Variants in HS6ST3 observed in about 807,000 individuals in gnomAD.
The protein encoded by HS6ST3 is heparan-sulfate 6-O-sulfotransferase 3.
HS6ST3 carries 12 observed loss-of-function variants against 36.7 expected under a neutral mutation model. The ratio of observed to expected loss-of-function variants is 0.33; its 90% confidence interval spans 0.21 to 0.53. The LOEUF (loss-of-function observed/expected upper bound fraction) is 0.53, where lower values mean the gene tolerates loss of function less well. Among genes scored for constraint, HS6ST3 ranks in the 20% least tolerant of loss-of-function variants. HS6ST3 has a pLI of 0.95. For synonymous variants in HS6ST3, 240 were observed against 257.5 expected, an observed-to-expected ratio of 0.93 and a Z score of 0.65; for missense variants, 584 against 640.9, an observed-to-expected ratio of 0.91 and a Z score of 0.96.
At chr13:96,137,144 G>T (rs1028681465) in intron 1 of HS6ST3, among the ~76,000 whole-genome samples, 5 of 150,280 alleles carry the variant, frequency 3.3e-5, no homozygotes, top group African/African-American at 7.4e-5. Context: ...CCTTTTAATT[G>T]ATTTCTTCCT....
At chr13:96,763,650 G>A (rs1877023584) in intron 1 of HS6ST3, among the ~76,000 whole-genome samples, 1 of 152,060 alleles carries the variant, frequency 6.6e-6, no homozygotes, top group South Asian at 2.1e-4. Flanking sequence ...ACTATTAGGA[G>A]CTCAATGGCT....
intron 1 of HS6ST3, among the ~76,000 whole-genome samples, chr13:96,674,569 C>A (rs190424914): frequency 6.6e-6 from 1 of 152,036 alleles, no homozygotes; most frequent in Non-Finnish European, 1.5e-5. Context: ...CTTCATGAGC[C>A]GACTCTCACA....
At position 96,658,268 on chromosome 13, in the gene HS6ST3, C is replaced by CTTTTTTTTTTTT. The variant is rs71213623; in HGVS notation, c.708-174203_708-174192dup. On this transcript the variant is annotated intron_variant, in intron 1 of 1. Coordinates refer to ENST00000376705, the MANE Select transcript of HS6ST3 (RefSeq NM_153456.4). Reference sequence around the variant, plus strand: ...TTCTTCTTCTTCTTCTCTTCTTCTTCTTTTTTTTTTTTTTTTTTTTTTTTT... The same window carrying CTTTTTTTTTTTT: ...TTCTTCTTCTTCTTCTCTTCTTCTTCTTTTTTTTTTTTTTTTTTTTTTTTTTTTTTTTTTTTT... Among the ~76,000 whole-genome samples the CTTTTTTTTTTTT allele has an allele frequency of 1.3e-3, 99 of 76,152 alleles. 12 individuals are homozygous for CTTTTTTTTTTTT. The highest frequency in any genetic ancestry group is 5.7e-3 in the East Asian group (11 of 1,944). 50.0% of individuals were successfully genotyped at this position (76,152 alleles called of 152,430 possible). A position where few individuals can be genotyped will look rare whatever the true frequency, so the allele number is the denominator to read the frequency against.
intron 1 of HS6ST3, among the ~76,000 whole-genome samples, chr13:96,306,708 C>G (rs1360566249): frequency 6.6e-6 from 1 of 152,052 alleles, no homozygotes; most frequent in Non-Finnish European, 1.5e-5. Flanking sequence ...GGCCTGTGTT[C>G]TTGCTTCTGT....
intron 1 of HS6ST3, among the ~76,000 whole-genome samples, chr13:96,690,953 C>A (rs1463339968): frequency 6.6e-6 from 1 of 152,112 alleles, no homozygotes; most frequent in Non-Finnish European, 1.5e-5. Context: ...AAGTGTCTAG[C>A]ACAGTCCTTG....
intron 1 of HS6ST3, among the ~76,000 whole-genome samples, chr13:96,816,719 T>C (rs951507676): frequency 6.6e-6 from 1 of 152,160 alleles, no homozygotes; most frequent in African/African-American, 2.4e-5. Context: ...TCAACTTTCC[T>C]TGGGATGATT....
At chr13:96,456,152 G>T (rs1340026330) in intron 1 of HS6ST3, among the ~76,000 whole-genome samples, 1 of 152,156 alleles carries the variant, frequency 6.6e-6, no homozygotes, top group African/African-American at 2.4e-5. Flanking sequence ...TTTTATTTAG[G>T]TGTAGTAGAA....
rs199618938 is a variant in HS6ST3, at chr13:96,091,004, C to G, written c.142C>G (p.Pro48Ala). 1,179 of 1,297,736 alleles carry G rather than the reference C, an allele frequency of 9.1e-4. 2 individuals are homozygous for G. The highest frequency in any genetic ancestry group is 8.6e-4 in the Non-Finnish European group (875 of 1,018,158). The allele number at this position is 1,297,736 out of a possible 1,614,324, so 80.4% of individuals were successfully genotyped here. The stretch of plus-strand genomic sequence containing the variant: ...GCAGCCCCGCGCGGGGGAGGCCGGC[C>G]CGCCCGCCGTCCCGGGTCCCGCCCG... ...GEQPRAGEAG[P>A]PAVPGPARRA... is the part of the protein sequence containing the mutation. Residue 48 changes from proline to alanine, a missense_variant, in exon 1 of 2, where the codon CCG (proline) becomes GCG (alanine). Transcript: ENST00000376705.
intron 1 of HS6ST3, among the ~76,000 whole-genome samples, chr13:96,136,762 GA>G (rs2054004669): frequency 6.8e-6 from 1 of 147,044 alleles, no homozygotes; most frequent in Non-Finnish European, 1.5e-5. Context: ...ATATACAAAT[GA>G]TTTGATTAGC....
intron 1 of HS6ST3, among the ~76,000 whole-genome samples, chr13:96,629,543 T>C (rs1039882432): frequency 2.0e-5 from 3 of 152,204 alleles, no homozygotes; most frequent in Non-Finnish European, 4.4e-5. Context: ...ATGCATGCGT[T>C]CTCTCAATGC....
intron 1 of HS6ST3, among the ~76,000 whole-genome samples, chr13:96,358,174 A>G (rs559515087): frequency 6.6e-6 from 1 of 152,310 alleles, no homozygotes; most frequent in African/African-American, 2.4e-5. Context: ...ACTAATACAT[A>G]TAGAAGACAA....
At chr13:96,664,770 T>C (rs2056657907) in intron 1 of HS6ST3, among the ~76,000 whole-genome samples, 1 of 152,228 alleles carries the variant, frequency 6.6e-6, no homozygotes, top group Admixed American at 6.5e-5. Flanking sequence ...CATGGCCTGA[T>C]CAAGTTCTCT....
At chr13:96,400,631 G>T (rs866402212) in intron 1 of HS6ST3, among the ~76,000 whole-genome samples, 6 of 152,072 alleles carry the variant, frequency 3.9e-5, no homozygotes, top group South Asian at 2.1e-4. Context: ...ATATTGATGG[G>T]AAGATGAAGC....
At chr13:96,304,358 C>A (rs567965669) in intron 1 of HS6ST3, among the ~76,000 whole-genome samples, 1 of 152,176 alleles carries the variant, frequency 6.6e-6, no homozygotes, top group East Asian at 1.9e-4. Context: ...CTTCTCAATT[C>A]TTTAATTAGA....
At position 96,761,401 on chromosome 13, in the gene HS6ST3, C is replaced by T. The variant is rs1466609515; in HGVS notation, c.708-71089C>T. ...CTTTCGGTGAGACAGTTCTTATCTTCGTTGTTGGGTTACGTATCTCCTACC... is the reference window on the plus strand; with the variant it reads ...CTTTCGGTGAGACAGTTCTTATCTTTGTTGTTGGGTTACGTATCTCCTACC... On this transcript the variant is annotated intron_variant, in intron 1 of 1. Transcript: ENST00000376705. Among the ~76,000 whole-genome samples the T allele has an allele frequency of 3.3e-5, 5 of 151,918 alleles. No homozygotes were observed. In the South Asian group the frequency reaches 1.0e-3, roughly 32 times the overall value.
chr13:96,206,095 G>A (rs1051338468), intron 1 of HS6ST3, among the ~76,000 whole-genome samples: 12 of 152,290 alleles, frequency 7.9e-5, no homozygotes, highest in African/African-American at 2.9e-4. Context: ...TTCTTAAGCT[G>A]ATAAGCAACT....
At chr13:96,187,284 G>A (rs1306786051) in intron 1 of HS6ST3, among the ~76,000 whole-genome samples, 5 of 152,220 alleles carry the variant, frequency 3.3e-5, no homozygotes, top group African/African-American at 1.2e-4. Context: ...CTTTACAGCT[G>A]AGAATACCAC....
chr13:96,309,343 T>C (rs1267357926), intron 1 of HS6ST3, among the ~76,000 whole-genome samples: 1 of 152,124 alleles, frequency 6.6e-6, no homozygotes, highest in East Asian at 1.9e-4. Flanking sequence ...TCAACATCAA[T>C]GATGATAAAA....
intron 1 of HS6ST3, among the ~76,000 whole-genome samples, chr13:96,706,681 GT>G (rs2138457299): frequency 6.6e-6 from 1 of 151,936 alleles, no homozygotes; most frequent in South Asian, 2.1e-4. Flanking sequence ...ACAATCCATC[GT>G]CCCCTGCTTT....
Sources: allele counts gnomAD v4.1 joint callset (sites outside exome capture counted in the v4.1 genomes callset), GRCh38; gene constraint gnomAD v4.1.1; transcripts MANE v1.5; gene names NCBI Gene and HGNC (gene_info 2026-07-23, HGNC 2026-07-21).